DGCR6L: variants seen among roughly 807,000 people sequenced by gnomAD.
DGCR6L encodes the protein DiGeorge syndrome critical region gene 6 like, also known as protein DGCR6L.
A neutral mutation model predicts 31.1 loss-of-function variants in DGCR6L; 24 were observed. That is an observed-to-expected ratio of 0.77 (90% CI 0.56 to 1.08). DGCR6L has a LOEUF of 1.08. DGCR6L is among the 50% of genes least tolerant of loss of function. The probability of loss-of-function intolerance (pLI) is 0.00; values close to 1 mark genes in which losing one functional copy is unlikely to be tolerated. For synonymous variants in DGCR6L, 104 were observed against 126.1 expected, an observed-to-expected ratio of 0.82 and a Z score of 1.17; for missense variants, 218 against 287.1, an observed-to-expected ratio of 0.76 and a Z score of 1.74.
chr22:20,317,815 C>T (rs980377162), intron 2 of DGCR6L, among the ~76,000 whole-genome samples: 1 of 152,228 alleles, frequency 6.6e-6, no homozygotes, highest in Non-Finnish European at 1.5e-5. Context: ...ATGAGCCATG[C>T]GCTTGGGATT....
chr22:20,315,216 C>G (rs1339959816), intron 4 of DGCR6L, 120 bp downstream of exon 4: 1 of 1,536,780 alleles, frequency 6.5e-7, no homozygotes, highest in Admixed American at 2.0e-5. Flanking sequence ...TCCAGAGCCT[C>G]AATCCTTCCA....
At chr22:20,319,538 CGAACACTTCCAAGGAAGGAGCT>C in intron 2 of DGCR6L, 79 bp downstream of exon 2, 1 of 1,492,596 alleles carries the variant, frequency 6.7e-7, no homozygotes, top group Non-Finnish European at 8.9e-7. Flanking sequence ...AGACCTCTTC[CGAACACTTCCAAGGAAGGAGCT>C]GATCTGCACA....
intron 2 of DGCR6L, among the ~76,000 whole-genome samples, chr22:20,317,587 G>A (rs2051580140): frequency 2.0e-5 from 3 of 152,394 alleles, no homozygotes; most frequent in Admixed American, 6.5e-5. Context: ...GGCCCAGGCA[G>A]TTACTAAAAC....
chr22:20,319,487 G>C, intron 2 of DGCR6L, 152 bp downstream of exon 2: 1 of 1,364,290 alleles, frequency 7.3e-7, no homozygotes, highest in East Asian at 2.5e-5. Flanking sequence ...CCAAAAAGGC[G>C]CTGTCTCAGT....
At position 20,320,046 on chromosome 22, in the gene DGCR6L, T is replaced by A; in HGVS notation, c.-58A>T. On this transcript the variant is annotated 5_prime_UTR_variant, in exon 1 of 5. The change abolishes an upstream ATG in the 5' untranslated region. Transcript: ENST00000248879. ...GACGAGCTCCCCCAGCTTCACGACA[T>A]CCCGAGCGCGGCGCGTCCCGCCCCT... 6.8e-7 allele frequency: 1 copy of A among 1,467,430 alleles called. No individual in the cohort carries two copies. Among genetic ancestry groups the A allele is most frequent in the Non-Finnish European group, 9.0e-7 (1 of 1,114,492 alleles). The allele number at this position is 1,467,430 out of a possible 1,614,324, so 90.9% of individuals were successfully genotyped here.
chr22:20,315,590 A>G, intron 3 of DGCR6L, 114 bp from the exon 4 acceptor site: 5 of 1,454,352 alleles, frequency 3.4e-6, no homozygotes, highest in Non-Finnish European at 4.6e-6. Context: ...CAGTGGCAGC[A>G]GCTCTGACAC....
At chr22:20,319,508 G>A (rs1344032598) in intron 2 of DGCR6L, 131 bp downstream of exon 2, 3 of 1,436,484 alleles carry the variant, frequency 2.1e-6, no homozygotes, top group Admixed American at 2.8e-5. Flanking sequence ...CTCTGCGCCC[G>A]TTGATTTTGT....
At chr22:20,319,562 A>AT in intron 2 of DGCR6L, 77 bp downstream of exon 2, 1 of 1,562,986 alleles carries the variant, frequency 6.4e-7, no homozygotes, top group Non-Finnish European at 8.7e-7. Flanking sequence ...GAAGGAGCTG[A>AT]TCTGCACAGA....
chr22:20,314,881 C>T lies in DGCR6L; in HGVS notation c.514-57G>A, dbSNP rs183700583. ...AGTGACCCCCAGGCCCCTTTCATCC[C>T]GGCCCAAGGGTGCCAGGCAGTGAGC... On this transcript the variant is annotated intron_variant, in intron 4 of 4. Transcript: ENST00000248879. 10,995 of 1,608,184 alleles carry T rather than the reference C, an allele frequency of 6.8e-3. 294 individuals are homozygous for T. Among genetic ancestry groups the T allele is most frequent in the South Asian group, 0.067 (6,048 of 90,450 alleles).
rs1350301196 is a variant in DGCR6L, at chr22:20,319,813, G to A, written c.111-14C>T. Reference sequence around the variant, plus strand: ...TGCTGGAAAGAGCTGCGGGTAGGGGGGCGCGGTGAGCCCCGGCGGGAAACG... The same window carrying A: ...TGCTGGAAAGAGCTGCGGGTAGGGGAGCGCGGTGAGCCCCGGCGGGAAACG... On this transcript the variant is annotated splice_polypyrimidine_tract_variant and intron_variant, in intron 1 of 4. Coordinates refer to ENST00000248879, the MANE Select transcript of DGCR6L (RefSeq NM_033257.4). 5.0e-6 allele frequency: 8 copies of A among 1,604,876 alleles called. No homozygotes were observed. The highest frequency in any genetic ancestry group is 1.3e-5 in the African/African-American group (1 of 74,834).
Position 20,319,993 on chromosome 22 carries a change from C to G in DGCR6L, c.-5G>C, listed in dbSNP as rs1711728328. On this transcript the variant is annotated 5_prime_UTR_variant, in exon 1 of 5. Transcript: ENST00000248879. ...GGCGGCCGCGTAGCGCTCCATGGCGCGGACGCCCGCTAGCCGCCGGCGGCG... is the reference window on the plus strand; with the variant it reads ...GGCGGCCGCGTAGCGCTCCATGGCGGGGACGCCCGCTAGCCGCCGGCGGCG... 6.4e-7 allele frequency: 1 copy of G among 1,561,540 alleles called. No individual in the cohort carries two copies. The highest frequency in any genetic ancestry group is 1.4e-5 in the African/African-American group (1 of 72,670).
intron 3 of DGCR6L, 25 bp from the exon 4 acceptor site, chr22:20,315,501 G>A (rs201382306): frequency 1.5e-5 from 24 of 1,609,420 alleles, no homozygotes; most frequent in African/African-American, 4.0e-5. Flanking sequence ...GGGCGCGGAG[G>A]GGGAGAGGTG....
chr22:20,315,472 A>ACG lies in DGCR6L; in HGVS notation c.375_376dup (p.Val126AlafsTer42), dbSNP rs1210314392. On this transcript the variant is annotated frameshift_variant, in exon 4 of 5. Transcript: ENST00000248879. LOFTEE classifies it high-confidence loss of function. ...CTGCTCCTCACGGATCCGGTGTTCC[A>ACG]CGGCCTGCCATGGGGCCAGGGCGCG... 6.2e-7 allele frequency: 1 copy of ACG among 1,613,302 alleles called. No individual in the cohort carries two copies. The highest frequency in any genetic ancestry group is 1.7e-5 in the Admixed American group (1 of 60,006).
Position 20,319,808 on chromosome 22 carries a change from AG to A in DGCR6L, c.111-10del. 2 of 1,605,850 alleles carry A rather than the reference AG, an allele frequency of 1.2e-6. No individual in the cohort carries two copies. The highest frequency in any genetic ancestry group is 1.7e-6 in the Non-Finnish European group (2 of 1,176,856). On this transcript the variant is annotated splice_polypyrimidine_tract_variant and intron_variant, in intron 1 of 4. Coordinates refer to ENST00000248879, the MANE Select transcript of DGCR6L (RefSeq NM_033257.4). ...GGCGCTGCTGGAAAGAGCTGCGGGTAGGGGGGCGCGGTGAGCCCCGGCGGGA... is the reference window on the plus strand; with the variant it reads ...GGCGCTGCTGGAAAGAGCTGCGGGTAGGGGGCGCGGTGAGCCCCGGCGGGA...
intron 4 of DGCR6L, chr22:20,315,135 A>ATGGC (rs1278969946): frequency 2.2e-6 from 3 of 1,355,306 alleles, no homozygotes; most frequent in African/African-American, 1.4e-5. Context: ...GGCAGTGCCC[A>ATGGC]TGGCTGGCTG....
intron 2 of DGCR6L, among the ~76,000 whole-genome samples, chr22:20,317,437 T>C (rs1225625954): frequency 2.0e-5 from 3 of 152,158 alleles, no homozygotes; most frequent in African/African-American, 7.2e-5. Flanking sequence ...GCCTTAGACA[T>C]GACCAGGGAA....
At chr22:20,318,767 G>C (rs2051587363) in intron 2 of DGCR6L, 1 of 152,146 alleles carries the variant, frequency 6.6e-6, no homozygotes, top group South Asian at 2.1e-4. Context: ...TGGTTTTCAG[G>C]ACTAGGGAGG....
Position 20,319,964 on chromosome 22 carries a change from C to G in DGCR6L, c.25G>C (p.Glu9Gln), listed in dbSNP as rs1345289041. MERYAAAL[E>Q]EVADGARQQE... ...TGCCGGGCACCGTCCGCCACCTCCTCCAAGGCGGCCGCGTAGCGCTCCATG... is the reference window on the plus strand; with the variant it reads ...TGCCGGGCACCGTCCGCCACCTCCTGCAAGGCGGCCGCGTAGCGCTCCATG... The change falls in exon 1 of 5, where the codon GAG (glutamate) becomes CAG (glutamine). Residue 9 changes from glutamate to glutamine, a missense_variant. Glu to Gln is a conservative substitution (Grantham distance 29). Around this residue, in one of 4 missense-constraint regions of DGCR6L, gnomAD observed 77 missense variants for 71.2 expected, o/e 1.08. Coordinates refer to ENST00000248879, the MANE Select transcript of DGCR6L (RefSeq NM_033257.4). 6.2e-7 allele frequency: 1 copy of G among 1,602,490 alleles called. No homozygotes were observed. The highest frequency in any genetic ancestry group is 1.7e-5 in the Admixed American group (1 of 58,638).
At chr22:20,317,836 A>G (rs1378789140) in intron 2 of DGCR6L, among the ~76,000 whole-genome samples, 1 of 152,384 alleles carries the variant, frequency 6.6e-6, no homozygotes, top group South Asian at 2.1e-4. Context: ...AGTAAACTAC[A>G]TACATCTTAC....
Sources: gnomAD v4.1 joint callset for allele counts (sites outside exome capture counted in the v4.1 genomes callset) on GRCh38, gnomAD v4.1.1 for gene constraint, gnomAD v4.1.1 regional missense constraint, MANE v1.5 for transcripts, NCBI Gene and HGNC (gene_info 2026-07-23, HGNC 2026-07-21) for gene names.